The following EML1 variants were observed in gnomAD, a reference collection of about 807,000 sequenced individuals.
The protein encoded by EML1 is EMAP like 1.
Under a neutral mutation model 110.4 loss-of-function variants are expected in EML1, and 27 were observed. The ratio of observed to expected loss-of-function variants is 0.24; its 90% confidence interval spans 0.18 to 0.34. The LOEUF is 0.34. EML1 is among the 10% of genes least tolerant of loss of function. The probability of loss-of-function intolerance (pLI) is 1.00; values close to 1 mark genes in which losing one functional copy is unlikely to be tolerated. For synonymous variants in EML1, 344 were observed against 385.8 expected (o/e 0.89, Z 1.27); for missense variants, 741 against 1,030.9 (o/e 0.72, Z 3.85).
intron 1 of EML1, among the ~76,000 whole-genome samples, chr14:99,787,281 T>C (rs1446149831): frequency 6.7e-6 from 1 of 148,430 alleles, no homozygotes; most frequent in Non-Finnish European, 1.5e-5. Flanking sequence ...TTTTTTTTTT[T>C]TTTTTTTTGA....
chr14:99,779,532 A>T (rs979918096), intron 1 of EML1, among the ~76,000 whole-genome samples: 3 of 152,176 alleles, frequency 2.0e-5, no homozygotes, highest in Admixed American at 1.3e-4. Flanking sequence ...GAGGGGGGAC[A>T]TTCAAACAGT....
intron 1 of EML1, among the ~76,000 whole-genome samples, chr14:99,843,192 A>G (rs1174846797): frequency 6.6e-6 from 1 of 152,240 alleles, no homozygotes; most frequent in African/African-American, 2.4e-5. Context: ...TCAAGGCTCC[A>G]GTGAGCTGTA....
chr14:99,757,232 G>A (rs928229536), intron 1 of EML1, among the ~76,000 whole-genome samples: 2 of 152,118 alleles, frequency 1.3e-5, no homozygotes, highest in Non-Finnish European at 2.9e-5. Flanking sequence ...GCAGCTACTC[G>A]GGAGGCTGAG....
At chr14:99,793,007 G>A (rs2057695421), upstream of EML1, 1 of 152,012 alleles carries the variant, frequency 6.6e-6, no homozygotes, top group South Asian at 2.1e-4. Context: ...GTTACCCCGG[G>A]CCCCACGCGC....
At position 99,760,346 on chromosome 14, in the gene EML1, G is replaced by A. The variant is rs144262791; in HGVS notation, c.28+22486G>A. Among the ~76,000 whole-genome samples the A allele has an allele frequency of 4.8e-3, 733 of 152,140 alleles. 10 individuals carry two copies. The highest frequency in any genetic ancestry group is 0.016 in the African/African-American group (673 of 41,490). ...CCTATCAAGTCATTGGTAAAATGGT[G>A]CCTCCAGTTTCCTCCCCCCACCCTT... On this transcript the variant is annotated intron_variant, in intron 1 of 10. Coordinates refer to the EML1 transcript ENST00000554479.
rs1456139572 is a variant in EML1, at chr14:99,941,603, C to T, written c.*1491C>T. 2 of 152,176 alleles carry T rather than the reference C, an allele frequency of 1.3e-5. No homozygotes were observed. Among genetic ancestry groups the T allele is most frequent in the Non-Finnish European group, 2.9e-5 (2 of 68,042 alleles). 9.4% of individuals were successfully genotyped at this position (152,176 alleles called of 1,614,324 possible). A position where few individuals can be genotyped will look rare whatever the true frequency, so the allele number is the denominator to read the frequency against. ...AATATTTAAAATTAGATATGATTCA[C>T]ACTATATTCTGTTTCATATGCAGAT... On this transcript the variant is annotated 3_prime_UTR_variant, in exon 22 of 22. Coordinates refer to ENST00000262233, the MANE Select transcript of EML1 (RefSeq NM_004434.3).
At chr14:99,817,515 G>C (rs556774248) in intron 1 of EML1, among the ~76,000 whole-genome samples, 1 of 152,170 alleles carries the variant, frequency 6.6e-6, no homozygotes, top group Non-Finnish European at 1.5e-5. Flanking sequence ...CATGGCTCCC[G>C]CAGCATTAGT....
chr14:99,875,042 A>G, intron 3 of EML1: 1 of 1,570,456 alleles, frequency 6.4e-7, no homozygotes, highest in Non-Finnish European at 8.7e-7. Context: ...CATTGTTTCC[A>G]TCTCTGTTTT....
At chr14:99,801,831 G>A (rs1595301871) in intron 1 of EML1, among the ~76,000 whole-genome samples, 1 of 152,036 alleles carries the variant, frequency 6.6e-6, no homozygotes, top group South Asian at 2.1e-4. Context: ...TCTTCCATCC[G>A]TTCCTTTAAA....
At chr14:99,875,659 C>A (rs964189866) in intron 3 of EML1, among the ~76,000 whole-genome samples, 2 of 152,110 alleles carry the variant, frequency 1.3e-5, no homozygotes, top group Admixed American at 1.3e-4. Context: ...CTCCCAGGGC[C>A]CCGGCAGCTG....
intron 17 of EML1, among the ~76,000 whole-genome samples, chr14:99,934,929 G>A (rs879335485): frequency 2.0e-5 from 3 of 152,164 alleles, no homozygotes; most frequent in Non-Finnish European, 4.4e-5. Flanking sequence ...TCGCAGCCTG[G>A]GTCCTTAGGC....
At chr14:99,845,656 G>A (rs1252071589) in intron 1 of EML1, among the ~76,000 whole-genome samples, 2 of 152,116 alleles carry the variant, frequency 1.3e-5, no homozygotes, top group Non-Finnish European at 2.9e-5. Flanking sequence ...AGAGCTTAGC[G>A]GCTCTCTTGG....
intron 1 of EML1, among the ~76,000 whole-genome samples, chr14:99,747,235 T>C (rs2057121425): frequency 6.8e-6 from 1 of 146,394 alleles, no homozygotes; most frequent in South Asian, 2.2e-4. Context: ...TCACCACCTC[T>C]GGAAAAAAAA....
Position 99,857,277 on chromosome 14 carries a change from A to T in EML1, c.250+6242A>T, listed in dbSNP as rs530223434. Among the ~76,000 whole-genome samples, 79 of 152,132 alleles carry T rather than the reference A, an allele frequency of 5.2e-4. 1 individual carries two copies. Among genetic ancestry groups the T allele is most frequent in the Admixed American group, 3.1e-3 (48 of 15,286 alleles). ...CAGGGCAAGACTCTGTCTCAAAAAA[A>T]AAATAAATAAATAAAGCAAAAATAA... On this transcript the variant is annotated intron_variant, in intron 2 of 21. Coordinates refer to ENST00000262233, the MANE Select transcript of EML1 (RefSeq NM_004434.3).
At chr14:99,835,859 G>T (rs1292588213) in intron 1 of EML1, among the ~76,000 whole-genome samples, 1 of 151,992 alleles carries the variant, frequency 6.6e-6, no homozygotes. Context: ...TATTTGTGTG[G>T]GTCTATTTCT....
At chr14:99,828,890 AT>A (rs145360636) in intron 1 of EML1, among the ~76,000 whole-genome samples, 24 of 152,338 alleles carry the variant, frequency 1.6e-4, no homozygotes, top group African/African-American at 5.5e-4. Flanking sequence ...AACGGTCTTC[AT>A]CCTCGTCGTC....
At chr14:99,904,713 T>C (rs1479416156) in intron 9 of EML1, among the ~76,000 whole-genome samples, 3 of 152,178 alleles carry the variant, frequency 2.0e-5, no homozygotes, top group African/African-American at 4.8e-5. Context: ...GATAAAGTAC[T>C]GCCACGTGTT....
intron 1 of EML1, among the ~76,000 whole-genome samples, chr14:99,813,733 A>G (rs2058119851): frequency 6.6e-6 from 1 of 152,182 alleles, no homozygotes; most frequent in African/African-American, 2.4e-5. Context: ...TTTTAACTAT[A>G]GAGATGGAGG....
intron 1 of EML1, among the ~76,000 whole-genome samples, chr14:99,844,307 CG>C (rs1297887977): frequency 6.6e-6 from 1 of 152,040 alleles, no homozygotes; most frequent in African/African-American, 2.4e-5. Context: ...AGCGAAACCC[CG>C]TCTCTACTGA....
Sources: allele counts gnomAD v4.1 joint callset (sites outside exome capture counted in the v4.1 genomes callset), GRCh38; gene constraint gnomAD v4.1.1; transcripts MANE v1.5; gene names NCBI Gene and HGNC (gene_info 2026-07-23, HGNC 2026-07-21).